Variants in PRKCZ observed in about 807,000 individuals in gnomAD.
PRKCZ encodes protein kinase C zeta type.
In PRKCZ, 33 loss-of-function variants were observed where a neutral mutation model predicts 79.5. The observed-to-expected ratio is 0.41, with a 90% confidence interval of 0.31 to 0.55. PRKCZ has a LOEUF of 0.55. Ranked by LOEUF, PRKCZ falls within the 20% of genes least tolerant of loss-of-function variation. PRKCZ has a pLI of 0.19. For synonymous variants in PRKCZ, 342 were observed against 320.9 expected, an observed-to-expected ratio of 1.07 and a Z score of -0.70; for missense variants, 578 against 813.5, an observed-to-expected ratio of 0.71 and a Z score of 3.52.
At chr1:2,067,836 C>G (rs1661247371) in intron 4 of PRKCZ, among the ~76,000 whole-genome samples, 1 of 152,202 alleles carries the variant, frequency 6.6e-6, no homozygotes, top group Non-Finnish European at 1.5e-5. Context: ...ATACTCAAAT[C>G]TGTTAATATT....
intron 10 of PRKCZ, among the ~76,000 whole-genome samples, chr1:2,163,964 A>G (rs551687772): frequency 5.8e-4 from 88 of 151,908 alleles, no homozygotes; most frequent in African/African-American, 2.0e-3. Flanking sequence ...ATTTGTGGAG[A>G]TCATTGTTAC....
intron 4 of PRKCZ, among the ~76,000 whole-genome samples, chr1:2,070,370 C>T (rs1358588470): frequency 6.6e-6 from 1 of 152,180 alleles, no homozygotes; most frequent in South Asian, 2.1e-4. Context: ...GGGTCAGGCC[C>T]CAGGCAGCTG....
intron 4 of PRKCZ, among the ~76,000 whole-genome samples, chr1:2,116,950 G>T (rs187219171): frequency 2.0e-5 from 3 of 151,988 alleles, no homozygotes; most frequent in African/African-American, 7.3e-5. Context: ...GGGTTTTTTT[G>T]GCAGGGGAGT....
At chr1:2,144,730 C>T (rs1463843194) in intron 6 of PRKCZ, 10 of 786,602 alleles carry the variant, frequency 1.3e-5, no homozygotes, top group African/African-American at 1.9e-5. Context: ...CATCTGGAGC[C>T]TCTCCCTGGC....
In PRKCZ at chr1:2,082,956, G is replaced by C. The variant is rs574336430; in HGVS notation, c.334+23365G>C. ...GCGGCATGAGGGAGCAAGCCACCTC[G>C]GGCACAGGTGAAGGACAGGTGTCCA... On this transcript the variant is annotated intron_variant, in intron 4 of 17. Transcript: ENST00000378567. This position sits in a 1 kb window ranked among gnomAD's most constrained non-coding sequence, Gnocchi z 4.4. Among the ~76,000 whole-genome samples, 2 of 152,050 alleles carry C rather than the reference G, an allele frequency of 1.3e-5. No individual in the cohort carries two copies. The highest frequency in any genetic ancestry group is 2.9e-5 in the Non-Finnish European group (2 of 67,966).
In PRKCZ at chr1:2,114,790, A is replaced by G. The variant is rs192491441; in HGVS notation, c.335-20472A>G. ...TCCGTCTCAAAAAAAAAAGAAAAAG[A>G]AAAAGAAAAAGCTAAGATGCAGCAG... On this transcript the variant is annotated intron_variant, in intron 4 of 17. Transcript: ENST00000378567. Among the ~76,000 whole-genome samples the G allele has an allele frequency of 6.9e-3, 1,044 of 152,254 alleles. 45 individuals are homozygous for G. Among genetic ancestry groups the G allele is most frequent in the Admixed American group, 0.063 (967 of 15,306 alleles).
rs556369107 is a variant in PRKCZ, at chr1:2,100,350, G to A, written c.335-34912G>A. Among the ~76,000 whole-genome samples, 244 of 152,346 alleles carry A rather than the reference G, an allele frequency of 1.6e-3. 1 individual carries two copies. Among genetic ancestry groups the A allele is most frequent in the African/African-American group, 5.4e-3 (223 of 41,584 alleles). ...CCTGGCTAAGCGGATGGCACAAGCT[G>A]CCAGCCAGACCTCTGTCTGTCCCTG... On this transcript the variant is annotated intron_variant, in intron 4 of 17. Coordinates refer to ENST00000378567, the MANE Select transcript of PRKCZ (RefSeq NM_002744.6).
At chr1:2,131,473 G>A (rs774761442) in intron 4 of PRKCZ, among the ~76,000 whole-genome samples, 15 of 152,152 alleles carry the variant, frequency 9.9e-5, no homozygotes, top group Non-Finnish European at 2.1e-4. Flanking sequence ...AACCCTTAAA[G>A]TTTAAAAAGT....
intron 10 of PRKCZ, among the ~76,000 whole-genome samples, chr1:2,160,849 C>T (rs1310467108): frequency 2.6e-5 from 4 of 152,062 alleles, no homozygotes; most frequent in Non-Finnish European, 5.9e-5. Context: ...GGAGACGCCC[C>T]GCCCCGCCGG....
chr1:2,139,414 C>G (rs993410537), intron 5 of PRKCZ, among the ~76,000 whole-genome samples: 1 of 152,018 alleles, frequency 6.6e-6, no homozygotes, highest in Non-Finnish European at 1.5e-5. Context: ...TTGGTGAAAC[C>G]CCGTGTCTAC....
chr1:2,059,401 A>G, intron 3 of PRKCZ, 140 bp from the exon 4 acceptor site: 1 of 970,934 alleles, frequency 1.0e-6, no homozygotes, highest in Non-Finnish European at 1.6e-6. Context: ...GTCTCCCAGG[A>G]GCGGGCTCTC....
chr1:2,071,325 C>T, intron 4 of PRKCZ: 2 of 469,364 alleles, frequency 4.3e-6, no homozygotes, highest in Non-Finnish European at 8.5e-6. Context: ...AGAGAGCGGC[C>T]CCACCGAGTG....
chr1:2,166,833 G>C (rs2103430469), intron 10 of PRKCZ, among the ~76,000 whole-genome samples: 1 of 152,356 alleles, frequency 6.6e-6, no homozygotes, highest in South Asian at 2.1e-4. Context: ...ACACGCCCCT[G>C]GCCTGGCCTT....
chr1:2,174,070 CT>C lies in PRKCZ; in HGVS notation c.1405+58del, dbSNP rs1684981986. On this transcript the variant is annotated intron_variant, in intron 14 of 17. Transcript: ENST00000378567. This position sits in a 1 kb window ranked among gnomAD's most constrained non-coding sequence, Gnocchi z 6.2. ...CTCACCTGCACGACTGTCTTCCTTC[CT>C]TTTCAAAGGTGCAGGTGGAGGGGTC... 1.3e-6 allele frequency: 2 copies of C among 1,524,286 alleles called. No homozygotes were observed. Among genetic ancestry groups the C allele is most frequent in the Non-Finnish European group, 8.9e-7 (1 of 1,129,136 alleles). The allele number at this position is 1,524,286 out of a possible 1,614,324, so 94.4% of individuals were successfully genotyped here.
At chr1:2,180,822 G>C (rs975472543) in intron 16 of PRKCZ, among the ~76,000 whole-genome samples, 10 of 152,074 alleles carry the variant, frequency 6.6e-5, no homozygotes, top group Non-Finnish European at 1.5e-4. Context: ...CTACCTCCTG[G>C]GCCCAGCCCT....
In PRKCZ at chr1:2,180,629, C is replaced by T. The variant is rs183881465; in HGVS notation, c.1576-3954C>T. On this transcript the variant is annotated intron_variant, in intron 16 of 17. Coordinates refer to ENST00000378567, the MANE Select transcript of PRKCZ (RefSeq NM_002744.6). ...ACGGATGACTCAGATCCCCAGACGA[C>T]TCAGATGCACGGACACCCAGATGAC... is the stretch of plus-strand genomic sequence containing the variant. Among the ~76,000 whole-genome samples the T allele has an allele frequency of 2.9e-4, 44 of 152,214 alleles. 2 individuals carry two copies. The East Asian group carries it at 8.3e-3, about 29-fold the overall frequency.
intron 4 of PRKCZ, among the ~76,000 whole-genome samples, chr1:2,132,945 C>T (rs1226512246): frequency 6.6e-6 from 1 of 152,178 alleles, no homozygotes; most frequent in African/African-American, 2.4e-5. Context: ...CAAATACAGC[C>T]ACATTGGGGG....
chr1:2,179,665 G>T (rs1235755862), intron 16 of PRKCZ, among the ~76,000 whole-genome samples: 1 of 152,238 alleles, frequency 6.6e-6, no homozygotes, highest in African/African-American at 2.4e-5. Flanking sequence ...ATTCTCTTGA[G>T]AGTCATTTGC....
intron 16 of PRKCZ, among the ~76,000 whole-genome samples, chr1:2,176,791 A>G (rs1026388872): frequency 2.6e-5 from 4 of 152,136 alleles, no homozygotes; most frequent in East Asian, 1.9e-4. Context: ...TTGCCTGTGC[A>G]TGTGTGGGAC....
Sources: gnomAD v4.1 joint callset for allele counts (sites outside exome capture counted in the v4.1 genomes callset) on GRCh38, gnomAD v4.1.1 for gene constraint, Gnocchi (gnomAD v3.1) non-coding constraint, MANE v1.5 for transcripts, NCBI Gene and HGNC (gene_info 2026-07-23, HGNC 2026-07-21) for gene names.